NECAB1: variants seen among roughly 807,000 people sequenced by gnomAD.
NECAB1 encodes N-terminal EF-hand calcium-binding protein 1.
In NECAB1, 29 loss-of-function variants were observed where a neutral mutation model predicts 57.5. That is an observed-to-expected ratio of 0.50 (90% CI 0.38 to 0.69). The LOEUF (loss-of-function observed/expected upper bound fraction) is 0.69. Ranked by LOEUF, NECAB1 falls within the 30% of genes least tolerant of loss-of-function variation. The pLI is 0.00. For synonymous variants in NECAB1, 142 were observed against 147.7 expected (o/e 0.96, Z 0.28); for missense variants, 372 against 413.8 (o/e 0.90, Z 0.88).
In NECAB1 at chr8:90,848,126, C is replaced by G. The variant is rs148827323; in HGVS notation, c.233+23301C>G. On this transcript the variant is annotated intron_variant, in intron 3 of 12. Coordinates refer to ENST00000417640, the MANE Select transcript of NECAB1 (RefSeq NM_022351.5). ...ATGCTTTGCTCCTTAGAAATTTCTC[C>G]ATCAGATACCCTAAATCATCTCTCT... Among the ~76,000 whole-genome samples, 47 of 152,256 alleles carry G rather than the reference C, an allele frequency of 3.1e-4. No individual in the cohort carries two copies. The East Asian group carries it at 5.2e-3, about 17-fold the overall frequency.
chr8:90,871,801 T>C (rs1235189048), intron 3 of NECAB1, among the ~76,000 whole-genome samples: 5 of 152,136 alleles, frequency 3.3e-5, no homozygotes, highest in Admixed American at 2.6e-4. Context: ...GCCAGAGTCA[T>C]ATAGAAGTTA....
chr8:90,862,818 C>CCCATCTCCAACTCATCCCTTATTTTT (rs1389515676), intron 3 of NECAB1, among the ~76,000 whole-genome samples: 44 of 152,248 alleles, frequency 2.9e-4, no homozygotes, highest in Admixed American at 8.5e-4. Flanking sequence ...CCCTTATTTT[C>CCCATCTCCAACTCATCCCTTATTTTT]CCATCTCCAA....
chr8:90,908,723 C>G (rs1697573540), intron 5 of NECAB1, among the ~76,000 whole-genome samples: 3 of 152,088 alleles, frequency 2.0e-5, no homozygotes, highest in African/African-American at 7.2e-5. Flanking sequence ...AATCCATCAC[C>G]AAGATTTTAG....
chr8:90,884,804 A>G (rs1162681361), intron 5 of NECAB1, among the ~76,000 whole-genome samples: 1 of 152,164 alleles, frequency 6.6e-6, no homozygotes, highest in Non-Finnish European at 1.5e-5. Context: ...GACTAGGAGG[A>G]TGGAAAATAG....
At chr8:90,885,432 G>C (rs747848791) in intron 5 of NECAB1, among the ~76,000 whole-genome samples, 9 of 152,138 alleles carry the variant, frequency 5.9e-5, no homozygotes, top group Non-Finnish European at 1.0e-4. Flanking sequence ...CTTCTTTCCT[G>C]CCAGACTAGG....
At chr8:90,824,561 TATTAA>T (rs1179825640) in intron 2 of NECAB1, among the ~76,000 whole-genome samples, 151 bp from the exon 3 acceptor site, 1 of 151,912 alleles carries the variant, frequency 6.6e-6, no homozygotes, top group Non-Finnish European at 1.5e-5. Flanking sequence ...TATAAAGATA[TATTAA>T]ATTATTTTTC....
chr8:90,885,505 A>G (rs1808959160), intron 5 of NECAB1, among the ~76,000 whole-genome samples: 1 of 152,228 alleles, frequency 6.6e-6, no homozygotes, highest in South Asian at 2.1e-4. Flanking sequence ...TAGCATTCAT[A>G]TAGCACCTTG....
chr8:90,885,585 T>G (rs978560), intron 5 of NECAB1, among the ~76,000 whole-genome samples: 80,519 of 152,106 alleles, frequency 0.53, 25,410 homozygotes, highest in African/African-American at 0.87. Context: ...GGAATGTTAG[T>G]CAAAAGGTAA....
chr8:90,914,624 T>G (rs1809907975), intron 5 of NECAB1, among the ~76,000 whole-genome samples: 1 of 152,164 alleles, frequency 6.6e-6, no homozygotes, highest in Non-Finnish European at 1.5e-5. Flanking sequence ...CAATGTTACC[T>G]ACAGAGTCAC....
intron 3 of NECAB1, 73 bp from the exon 4 acceptor site, chr8:90,872,055 T>C: frequency 8.5e-7 from 1 of 1,178,428 alleles, no homozygotes; most frequent in South Asian, 1.4e-5. Context: ...CTAACTGTAT[T>C]TAACTATTTA....
chr8:90,813,580 G>A (rs1812005293), intron 2 of NECAB1, among the ~76,000 whole-genome samples: 1 of 152,084 alleles, frequency 6.6e-6, no homozygotes, highest in Non-Finnish European at 1.5e-5. Flanking sequence ...AGGCTGGAGT[G>A]CAAGTGGCGT....
At chr8:90,911,874 C>A (rs1809839165) in intron 5 of NECAB1, among the ~76,000 whole-genome samples, 1 of 152,122 alleles carries the variant, frequency 6.6e-6, no homozygotes, top group Non-Finnish European at 1.5e-5. Flanking sequence ...AAATTATGAG[C>A]TAGATACCCT....
chr8:90,942,922 G>A (rs1011971235), intron 10 of NECAB1, among the ~76,000 whole-genome samples: 4 of 152,142 alleles, frequency 2.6e-5, no homozygotes, highest in Admixed American at 6.5e-5. Flanking sequence ...TATATACACC[G>A]TTCACAGTGT....
intron 5 of NECAB1, among the ~76,000 whole-genome samples, chr8:90,889,117 T>G (rs1809086891): frequency 1.3e-5 from 2 of 152,216 alleles, no homozygotes; most frequent in African/African-American, 4.8e-5. Context: ...GGGAGACCAC[T>G]TAGCTTTATT....
At chr8:90,798,851 T>A (rs534903905) in intron 1 of NECAB1, among the ~76,000 whole-genome samples, 2 of 152,284 alleles carry the variant, frequency 1.3e-5, no homozygotes, top group East Asian at 3.9e-4. Context: ...GTAGTTCTGT[T>A]TTAAGTTCTC....
chr8:90,817,415 C>T (rs1586039000), intron 2 of NECAB1, among the ~76,000 whole-genome samples: 1 of 151,564 alleles, frequency 6.6e-6, no homozygotes, highest in Non-Finnish European at 1.5e-5. Flanking sequence ...AGGAAAAAAA[C>T]ATCTGCTTTC....
chr8:90,919,117 T>C (rs1464130727), intron 6 of NECAB1, among the ~76,000 whole-genome samples: 1 of 152,190 alleles, frequency 6.6e-6, no homozygotes, highest in Admixed American at 6.5e-5. Context: ...GCACTAATGC[T>C]TAAGAGACAC....
At chr8:90,794,849 ATTTC>A (rs1811634575) in intron 1 of NECAB1, among the ~76,000 whole-genome samples, 1 of 152,220 alleles carries the variant, frequency 6.6e-6, no homozygotes, top group African/African-American at 2.4e-5. Context: ...TGCAGGGACT[ATTTC>A]TTCATGAATC....
intron 5 of NECAB1, among the ~76,000 whole-genome samples, chr8:90,909,415 C>T (rs2130076342): frequency 1.3e-5 from 2 of 151,974 alleles, no homozygotes; most frequent in Admixed American, 1.3e-4. Context: ...TCTAGATCAC[C>T]AGTATTTATG....
Sources: gnomAD v4.1 joint callset for allele counts (sites outside exome capture counted in the v4.1 genomes callset) on GRCh38, gnomAD v4.1.1 for gene constraint, MANE v1.5 for transcripts, NCBI Gene and HGNC (gene_info 2026-07-23, HGNC 2026-07-21) for gene names.